BEND5: variants seen among roughly 807,000 people sequenced by gnomAD.
BEND5 encodes the protein BEN domain-containing protein 5.
Under a neutral mutation model 43.9 loss-of-function variants are expected in BEND5, and 22 were observed. That is an observed-to-expected ratio of 0.50 (90% confidence interval 0.36 to 0.72). The LOEUF (loss-of-function observed/expected upper bound fraction) is 0.72. Ranked by LOEUF, BEND5 falls within the 30% of genes least tolerant of loss-of-function variation. The pLI, the probability that BEND5 is intolerant of heterozygous loss-of-function variation, is 0.00. For synonymous variants in BEND5, 228 were observed against 225.9 expected, an observed-to-expected ratio of 1.01 and a Z score of -0.08; for missense variants, 428 against 550.6, an observed-to-expected ratio of 0.78 and a Z score of 2.23.
At chr1:48,752,485 A>G (rs1651901883) in intron 3 of BEND5, among the ~76,000 whole-genome samples, 1 of 152,180 alleles carries the variant, frequency 6.6e-6, no homozygotes, top group South Asian at 2.1e-4. Context: ...CATGGTTGTA[A>G]AACAGAGTGT....
At chr1:48,741,034 T>C (rs1649838852) in intron 4 of BEND5, among the ~76,000 whole-genome samples, 1 of 152,200 alleles carries the variant, frequency 6.6e-6, no homozygotes, top group South Asian at 2.1e-4. Context: ...GAGAGACTCA[T>C]TTTCTGGGGG....
At position 48,736,127 on chromosome 1, in the gene BEND5, G is replaced by T; in HGVS notation, c.1108+112C>A. 1 of 1,256,714 alleles carries T rather than the reference G, an allele frequency of 8.0e-7. No homozygotes were observed. The highest frequency in any genetic ancestry group is 1.1e-6 in the Non-Finnish European group (1 of 874,830). 77.8% of individuals were successfully genotyped at this position (1,256,714 alleles called of 1,614,324 possible). A position where few individuals can be genotyped will look rare whatever the true frequency, so the allele number is the denominator to read the frequency against. On this transcript the variant is annotated intron_variant, in intron 5 of 5. Coordinates refer to ENST00000371833, the MANE Select transcript of BEND5 (RefSeq NM_024603.4). The surrounding 1 kb of genome is among the most constrained non-coding windows in gnomAD (Gnocchi z 4.0). ...TTGGTGTCCCCGGGCTCAGCCCAGG[G>T]TCTGGCATGCAGAAGCTTCATAAGT...
intron 4 of BEND5, among the ~76,000 whole-genome samples, chr1:48,737,857 A>C (rs1487254384): frequency 6.6e-6 from 1 of 152,268 alleles, no homozygotes; most frequent in Non-Finnish European, 1.5e-5. Flanking sequence ...GAAGGGACGA[A>C]ATGGCCTCTG....
chr1:48,765,439 A>C (rs1300667978), intron 1 of BEND5, among the ~76,000 whole-genome samples: 1 of 152,226 alleles, frequency 6.6e-6, no homozygotes, highest in Non-Finnish European at 1.5e-5. Flanking sequence ...GAATGTAAAG[A>C]TATTGGAACT....
intron 5 of BEND5, among the ~76,000 whole-genome samples, chr1:48,735,998 G>C (rs759437812): frequency 3.3e-5 from 5 of 152,118 alleles, no homozygotes; most frequent in Non-Finnish European, 7.4e-5. Flanking sequence ...CACACCATCT[G>C]TCCCTTTCTC....
At chr1:48,772,655 G>T (rs992709924) in intron 1 of BEND5, among the ~76,000 whole-genome samples, 5 of 152,146 alleles carry the variant, frequency 3.3e-5, no homozygotes, top group African/African-American at 1.2e-4. Flanking sequence ...AGCTACAGAA[G>T]GTTCTAATGA....
intron 3 of BEND5, among the ~76,000 whole-genome samples, chr1:48,755,567 C>T (rs1652422877): frequency 6.6e-6 from 1 of 152,214 alleles, no homozygotes; most frequent in African/African-American, 2.4e-5. Flanking sequence ...TAACCCAGGA[C>T]ATGTTTCTCA....
chr1:48,740,117 A>G (rs1367617583), intron 4 of BEND5, among the ~76,000 whole-genome samples: 6 of 152,214 alleles, frequency 3.9e-5, no homozygotes, highest in African/African-American at 9.7e-5. Flanking sequence ...AGATGAAAAT[A>G]TTTTCTGACA....
chr1:48,776,531 GCCCGGGC>G, intron 1 of BEND5, 68 bp downstream of exon 1: 1 of 618,304 alleles, frequency 1.6e-6, no homozygotes, highest in Non-Finnish European at 2.4e-6. Flanking sequence ...GGTCCCCTCC[GCCCGGGC>G]CCCCGGCCCC....
chr1:48,759,327 G>T (rs1279116751), intron 2 of BEND5, 43 bp from the exon 3 acceptor site: 2 of 1,532,970 alleles, frequency 1.3e-6, no homozygotes, highest in Admixed American at 2.0e-5. Context: ...GGGCAGCTGG[G>T]ATTTTCTTGG....
chr1:48,761,098 A>G (rs1281911966), intron 2 of BEND5: 11 of 470,562 alleles, frequency 2.3e-5, no homozygotes, highest in Admixed American at 6.9e-5. Context: ...ATGACACTGC[A>G]CAGACTGTGC....
At chr1:48,767,976 T>A (rs1479138499) in intron 1 of BEND5, among the ~76,000 whole-genome samples, 1 of 152,156 alleles carries the variant, frequency 6.6e-6, no homozygotes, top group Non-Finnish European at 1.5e-5. Flanking sequence ...CTATATTTAA[T>A]CCCTACAATA....
chr1:48,758,098 A>G (rs1338704429), intron 3 of BEND5, among the ~76,000 whole-genome samples: 1 of 152,238 alleles, frequency 6.6e-6, no homozygotes, highest in East Asian at 1.9e-4. Flanking sequence ...AAACCTGATT[A>G]GTTAAAATAG....
intron 3 of BEND5, 67 bp downstream of exon 3, chr1:48,758,833 C>T: frequency 1.4e-6 from 2 of 1,382,350 alleles, no homozygotes; most frequent in Non-Finnish European, 1.9e-6. Context: ...CTTTCCCTTC[C>T]TGGAAGAGGA....
chr1:48,763,057 T>A (rs1644356283), intron 1 of BEND5, among the ~76,000 whole-genome samples: 1 of 152,000 alleles, frequency 6.6e-6, no homozygotes, highest in African/African-American at 2.4e-5. Flanking sequence ...GTGTTCTGAA[T>A]CATTTTCTTC....
At chr1:48,746,252 C>T (rs1459583281) in intron 3 of BEND5, among the ~76,000 whole-genome samples, 2 of 152,096 alleles carry the variant, frequency 1.3e-5, no homozygotes, top group African/African-American at 4.8e-5. Context: ...AATAGTCATT[C>T]ACTCCCTCTC....
intron 3 of BEND5, among the ~76,000 whole-genome samples, chr1:48,751,646 C>G (rs1460158296): frequency 2.0e-5 from 3 of 151,736 alleles, no homozygotes; most frequent in Non-Finnish European, 4.4e-5. Flanking sequence ...CTGGCAAATC[C>G]AAAAAAAACA....
chr1:48,745,505 T>C (rs1650597659), intron 3 of BEND5, among the ~76,000 whole-genome samples: 1 of 152,150 alleles, frequency 6.6e-6, no homozygotes, highest in African/African-American at 2.4e-5. Flanking sequence ...TCCCCTCCCA[T>C]AGTCAGACTC....
chr1:48,756,615 G>A (rs1448013868), intron 3 of BEND5, among the ~76,000 whole-genome samples: 2 of 152,208 alleles, frequency 1.3e-5, no homozygotes, highest in Admixed American at 1.3e-4. Context: ...GGGAAGTTGG[G>A]ATTTGAATCC....
Sources: gnomAD v4.1 joint callset for allele counts (sites outside exome capture counted in the v4.1 genomes callset) on GRCh38, gnomAD v4.1.1 for gene constraint, Gnocchi (gnomAD v3.1) non-coding constraint, MANE v1.5 for transcripts, NCBI Gene and HGNC (gene_info 2026-07-23, HGNC 2026-07-21) for gene names.